The following ITGB5 variants were observed in gnomAD, a reference collection of about 807,000 sequenced individuals.
ITGB5 encodes integrin beta-5.
A neutral mutation model predicts 84.8 loss-of-function variants in ITGB5; 38 were observed. The observed-to-expected ratio is 0.45, with a 90% CI of 0.35 to 0.59. The LOEUF (loss-of-function observed/expected upper bound fraction) is 0.59, where lower values mean the gene tolerates loss of function less well. Among genes scored for constraint, ITGB5 ranks in the 20% least tolerant of loss-of-function variants. The pLI, the probability that ITGB5 is intolerant of heterozygous loss-of-function variation, is 0.01. For missense variants in ITGB5, 905 were observed against 1,034.5 expected (o/e 0.87, Z 1.72); for synonymous variants, 393 against 414.4 (o/e 0.95, Z 0.63).
intron 1 of ITGB5, among the ~76,000 whole-genome samples, chr3:124,881,617 T>C (rs920024288): frequency 7.2e-5 from 11 of 152,128 alleles, no homozygotes; most frequent in African/African-American, 2.7e-4. Context: ...AGGCCTCAGC[T>C]TCCTCATGCA....
chr3:124,839,882 T>A (rs754962206), intron 5 of ITGB5, among the ~76,000 whole-genome samples: 14 of 152,226 alleles, frequency 9.2e-5, no homozygotes, highest in Non-Finnish European at 1.9e-4. Context: ...GAGGCCACAC[T>A]GCAGCCTTCC....
At chr3:124,890,520 T>C (rs1469222868), upstream of ITGB5, among the ~76,000 whole-genome samples, 1 of 152,174 alleles carries the variant, frequency 6.6e-6, no homozygotes, top group Non-Finnish European at 1.5e-5. Context: ...TCTTTAAGCC[T>C]AGGCCCTGTG....
chr3:124,875,774 G>A (rs1457143306), intron 1 of ITGB5, among the ~76,000 whole-genome samples: 2 of 152,094 alleles, frequency 1.3e-5, no homozygotes. Context: ...AAGAAAATGT[G>A]GTATTTTTAA....
chr3:124,851,523 G>T (rs1281929943), intron 3 of ITGB5, among the ~76,000 whole-genome samples: 1 of 151,602 alleles, frequency 6.6e-6, no homozygotes, highest in South Asian at 2.1e-4. Flanking sequence ...ATGATATATA[G>T]GTCCCTTTGT....
chr3:124,809,150 G>A lies in ITGB5; in HGVS notation c.1135C>T (p.Arg379Trp), dbSNP rs780022008. ...QLIINAYNSI[R>W]SKVELSVWDQ... The stretch of plus-strand genomic sequence containing the variant: ...CAGACTGACAACTCCACTTTAGACC[G>A]GATACTCTGAATGGAGAGAGAAAAT... The change falls in exon 9 of 15, where the codon CGG (arginine) becomes TGG (tryptophan). Residue 379 changes from arginine (R) to tryptophan (W), a missense_variant. Physicochemically the swap from Arg to Trp is moderately radical, Grantham distance 101 (BLOSUM62 -3). Coordinates refer to ENST00000296181, the MANE Select transcript of ITGB5 (RefSeq NM_002213.5). 27 of 1,613,810 alleles carry A rather than the reference G, an allele frequency of 1.7e-5. No homozygotes were observed. The highest frequency in any genetic ancestry group is 1.2e-4 in the African/African-American group (9 of 74,904).
intron 9 of ITGB5, among the ~76,000 whole-genome samples, chr3:124,806,625 G>A (rs986067524): frequency 3.3e-5 from 5 of 151,582 alleles, no homozygotes; most frequent in Admixed American, 3.3e-4. Context: ...TTTTAGTAGA[G>A]ACGGGGTTTC....
chr3:124,884,033 A>G (rs1291220796), intron 1 of ITGB5, among the ~76,000 whole-genome samples: 2 of 152,090 alleles, frequency 1.3e-5, no homozygotes, highest in Non-Finnish European at 2.9e-5. Flanking sequence ...CAACAGAGAG[A>G]GGCACTCAAC....
chr3:124,795,170 T>C (rs1222580689), intron 10 of ITGB5, among the ~76,000 whole-genome samples: 1 of 152,160 alleles, frequency 6.6e-6, no homozygotes, highest in African/African-American at 2.4e-5. Flanking sequence ...GAGGAAGTTA[T>C]TGAGAAACAA....
intron 8 of ITGB5, among the ~76,000 whole-genome samples, chr3:124,813,888 A>C (rs1200064003): frequency 6.6e-6 from 1 of 152,090 alleles, no homozygotes; most frequent in African/African-American, 2.4e-5. Flanking sequence ...GAAAGTTCCA[A>C]CCCTCTAATC....
In ITGB5 at chr3:124,796,449, A is replaced by G. The variant is rs752820883; in HGVS notation, c.1632T>C (p.Tyr544=). ...SCFESEFGKI[Y]GPFCECDNFS... ...AGTTGTCGCACTCACAGAAAGGCCC[A>G]TAGATCTTGCCAAACTCGCTCTCGA... Residue 544 remains tyrosine (Y), a synonymous_variant, in exon 10 of 15, where the codon TAT becomes TAC. Coordinates refer to ENST00000296181, the MANE Select transcript of ITGB5 (RefSeq NM_002213.5). 6.2e-7 allele frequency: 1 copy of G among 1,614,186 alleles called. No homozygotes were observed. Among genetic ancestry groups the G allele is most frequent in the Non-Finnish European group, 8.5e-7 (1 of 1,180,026 alleles).
intron 1 of ITGB5, among the ~76,000 whole-genome samples, chr3:124,873,847 C>G (rs1457997180): frequency 6.6e-6 from 1 of 151,224 alleles, no homozygotes; most frequent in Non-Finnish European, 1.5e-5. Context: ...TACACTTAGT[C>G]TATCCAAAAT....
intron 9 of ITGB5, among the ~76,000 whole-genome samples, chr3:124,798,055 CTTTT>C (rs60292129): frequency 1.9e-5 from 2 of 103,640 alleles, no homozygotes; most frequent in African/African-American, 4.0e-5. Flanking sequence ...TAGAATAAAG[CTTTT>C]TTTTTTTTTT....
At chr3:124,834,266 A>G (rs530643900) in intron 5 of ITGB5, among the ~76,000 whole-genome samples, 80 of 152,082 alleles carry the variant, frequency 5.3e-4, no homozygotes, top group Middle Eastern at 3.4e-3. Context: ...CACTGATTGT[A>G]ACAAATATAC....
rs1288520639 is a variant in ITGB5, at chr3:124,796,618, T to A, written c.1463A>T (p.Glu488Val). 1 of 1,613,964 alleles carries A rather than the reference T, an allele frequency of 6.2e-7. No individual in the cohort carries two copies. The highest frequency in any genetic ancestry group is 2.2e-5 in the East Asian group (1 of 44,890). The change falls in exon 10 of 15, where the codon GAG becomes GTG. Residue 488 changes from glutamate to valine, a missense_variant. Glu to Val is a moderately radical substitution (Grantham distance 121). Transcript: ENST00000296181. ...GSGTYVCGLC[E>V]CSPGYLGTRC... ...GGTGCCCAGGTAGCCGGGGCTGCAC[T>A]CACACAGGCCGCAGACATAGGTCCC...
intron 1 of ITGB5, among the ~76,000 whole-genome samples, chr3:124,874,226 T>C (rs765771564): frequency 7.1e-6 from 1 of 140,324 alleles, no homozygotes; most frequent in Non-Finnish European, 1.5e-5. Flanking sequence ...TCACCAGGTG[T>C]GGTAGTGTGC....
chr3:124,805,133 TTC>T (rs113766698), intron 9 of ITGB5, among the ~76,000 whole-genome samples: 13,139 of 141,900 alleles, frequency 0.093, 775 homozygotes, highest in South Asian at 0.21. Context: ...CTTTCTCCCT[TTC>T]TCTCTCTCTC....
chr3:124,891,572 C>T (rs561946969), upstream of ITGB5, among the ~76,000 whole-genome samples: 97 of 133,280 alleles, frequency 7.3e-4, no homozygotes, highest in South Asian at 0.021. Context: ...GTGAGCTATG[C>T]GACAGAGTGC....
At chr3:124,871,545 G>T (rs1335179761) in intron 2 of ITGB5, among the ~76,000 whole-genome samples, 2 of 152,194 alleles carry the variant, frequency 1.3e-5, no homozygotes, top group African/African-American at 4.8e-5. Context: ...GAAAGGAGGG[G>T]CCGGGCATGG....
chr3:124,882,814 A>G (rs185304155), intron 1 of ITGB5, among the ~76,000 whole-genome samples: 9 of 152,268 alleles, frequency 5.9e-5, no homozygotes, highest in Admixed American at 1.3e-4. Context: ...GGAATCCTAT[A>G]AAGAGAGGGC....
Sources: gnomAD v4.1 joint callset for allele counts (sites outside exome capture counted in the v4.1 genomes callset) on GRCh38, gnomAD v4.1.1 for gene constraint, MANE v1.5 for transcripts, NCBI Gene and HGNC (gene_info 2026-07-23, HGNC 2026-07-21) for gene names.